The following TSGA10IP variants were observed in gnomAD, a reference collection of about 807,000 sequenced individuals.
The protein encoded by TSGA10IP is testis specific 10 interacting protein.
In TSGA10IP, 64 loss-of-function variants were observed where a neutral mutation model predicts 63.2. The observed-to-expected ratio is 1.01, with a 90% confidence interval of 0.83 to 1.25. TSGA10IP has a LOEUF of 1.25. TSGA10IP is among the 50% of genes most tolerant of loss of function. TSGA10IP has a pLI of 0.00. For synonymous variants in TSGA10IP, 316 were observed against 298.3 expected (o/e 1.06, Z -0.61); for missense variants, 681 against 710.1 (o/e 0.96, Z 0.47).
intron 1 of TSGA10IP, among the ~76,000 whole-genome samples, chr11:65,946,066 G>A (rs1470275609): frequency 6.6e-6 from 1 of 152,138 alleles, no homozygotes; most frequent in African/African-American, 2.4e-5. Context: ...GGAAGGAGCA[G>A]GTTTCAGGAA....
exon 3 of TSGA10IP, chr11:65,947,587 G>A (rs780547144): frequency 1.2e-6 from 2 of 1,613,934 alleles, no homozygotes; most frequent in Non-Finnish European, 1.7e-6. Context: ...AGGCCACAGA[G>A]GAGGCTGAGG....
chr11:65,953,670 C>T (rs1854981111), exon 5 of TSGA10IP: 1 of 1,591,770 alleles, frequency 6.3e-7, no homozygotes, highest in Non-Finnish European at 8.5e-7. Flanking sequence ...GGCCCACTGC[C>T]TGGCAGCCTA....
At position 65,953,745 on chromosome 11, in the gene TSGA10IP, G is replaced by A. The variant is rs762385738; in HGVS notation, c.1322+8G>A. 1 of 1,507,450 alleles carries A rather than the reference G, an allele frequency of 6.6e-7. No homozygotes were observed. Among genetic ancestry groups the A allele is most frequent in the South Asian group, 1.3e-5 (1 of 78,282 alleles). The allele number at this position is 1,507,450 out of a possible 1,614,324, so 93.4% of individuals were successfully genotyped here. A position where few individuals can be genotyped will look rare whatever the true frequency, so the allele number is the denominator to read the frequency against. ...CAAGCTGGAGGAGCTGAGGTAGGGA[G>A]CCTGGGCTTCGGGAGGCCTGGTTGG... On this transcript the variant is annotated splice_region_variant and intron_variant, in intron 5 of 7. Transcript: ENST00000532620.
chr11:65,946,703 G>C (rs559606723), intron 1 of TSGA10IP, among the ~76,000 whole-genome samples, 177 bp from the exon 2 acceptor site: 2 of 152,270 alleles, frequency 1.3e-5, no homozygotes, highest in East Asian at 3.9e-4. Context: ...CCAAAGTGCT[G>C]GGGTTACAGG....
chr11:65,953,669 C>A lies in TSGA10IP; in HGVS notation c.1254C>A (p.Cys418Ter). 6.3e-7 allele frequency: 1 copy of A among 1,591,262 alleles called. No homozygotes were observed. Among genetic ancestry groups the A allele is most frequent in the South Asian group, 1.1e-5 (1 of 89,920 alleles). ...ATGTACAGCGGCAGGTGGCCCACTG[C>A]CTGGCAGCCTACGCACCCAGAGGGA... The change falls in exon 5 of 8, where the codon TGC becomes TGA. Residue 418 changes from cysteine to a stop codon, truncating the protein, a stop_gained. Transcript: ENST00000532620. LOFTEE classifies it high-confidence loss of function.
At chr11:65,948,124 T>G (rs1486999316) in exon 4 of TSGA10IP, 3 of 1,602,970 alleles carry the variant, frequency 1.9e-6, no homozygotes, top group Non-Finnish European at 2.6e-6. Flanking sequence ...AATCGCACCT[T>G]CCACAAACGA....
At chr11:65,947,230 G>A in exon 3 of TSGA10IP, 1 of 1,609,528 alleles carries the variant, frequency 6.2e-7, no homozygotes, top group Non-Finnish European at 8.5e-7. Flanking sequence ...ACCAAGCCCT[G>A]CCCATGCCCT....
chr11:65,946,918 C>A, exon 2 of TSGA10IP: 1 of 1,613,930 alleles, frequency 6.2e-7, no homozygotes, highest in Non-Finnish European at 8.5e-7. Flanking sequence ...CAAATCAAGA[C>A]CTGCAGCAGA....
At position 65,958,800 on chromosome 11, in the gene TSGA10IP, C is replaced by G. The variant is rs978186531; in HGVS notation, c.1323-83C>G. 8.0e-6 allele frequency: 9 copies of G among 1,124,994 alleles called. No individual in the cohort carries two copies. The African/African-American group carries it at 1.4e-4, about 17-fold the overall frequency. The allele number at this position is 1,124,994 out of a possible 1,614,324, so 69.7% of individuals were successfully genotyped here. ...AGGGTGAGGACATGAATATCAAGTC[C>G]TTAGTGAAGATAAGCGGGCTCAGGA... On this transcript the variant is annotated intron_variant, in intron 5 of 7. Coordinates refer to ENST00000532620, the Ensembl canonical transcript of TSGA10IP.
intron 4 of TSGA10IP, among the ~76,000 whole-genome samples, chr11:65,948,824 A>C (rs578098753): frequency 1.6e-4 from 25 of 151,908 alleles, no homozygotes; most frequent in African/African-American, 5.8e-4. Flanking sequence ...AAATATAAAA[A>C]ATTATCCAAG....
chr11:65,952,710 C>T (rs990903502), intron 4 of TSGA10IP, among the ~76,000 whole-genome samples: 4 of 151,316 alleles, frequency 2.6e-5, no homozygotes, highest in African/African-American at 9.7e-5. Flanking sequence ...ACAATATATA[C>T]CATTGTGTAT....
intron 1 of TSGA10IP, among the ~76,000 whole-genome samples, chr11:65,946,356 A>G (rs767562478): frequency 2.0e-5 from 3 of 152,168 alleles, no homozygotes; most frequent in Non-Finnish European, 4.4e-5. Flanking sequence ...TCCTGAGCAC[A>G]CAATAGGTGC....
At chr11:65,956,971 T>C (rs1855035250) in intron 5 of TSGA10IP, among the ~76,000 whole-genome samples, 1 of 152,172 alleles carries the variant, frequency 6.6e-6, no homozygotes, top group South Asian at 2.1e-4. Context: ...TCCCATGCAG[T>C]CTCTCAGCCA....
Position 65,956,433 on chromosome 11 carries a change from G to A in TSGA10IP, c.1323-2450G>A, listed in dbSNP as rs145575631. Among the ~76,000 whole-genome samples, 1,082 of 147,380 alleles carry A rather than the reference G, an allele frequency of 7.3e-3. 9 individuals carry two copies. Among genetic ancestry groups the A allele is most frequent in the Non-Finnish European group, 0.011 (736 of 66,504 alleles). ...ATTACAGGCGTGAGCCACCGCGCCCGGCCGAGGCTCAGTCTTAATCACCCC... is the reference window on the plus strand; with the variant it reads ...ATTACAGGCGTGAGCCACCGCGCCCAGCCGAGGCTCAGTCTTAATCACCCC... On this transcript the variant is annotated intron_variant, in intron 5 of 7. Coordinates refer to ENST00000532620, the Ensembl canonical transcript of TSGA10IP.
At position 65,958,570 on chromosome 11, in the gene TSGA10IP, C is replaced by G. The variant is rs59719626; in HGVS notation, c.1323-313C>G. ...GTGTCTGGAAGCTCAGAAGCCAGCA[C>G]TGGCCCCTTTCCCATGGGGCTGGCA... On this transcript the variant is annotated intron_variant, in intron 5 of 7. Coordinates refer to ENST00000532620, the Ensembl canonical transcript of TSGA10IP. Among the ~76,000 whole-genome samples the G allele has an allele frequency of 3.2e-3, 483 of 152,340 alleles. 3 individuals are homozygous for G. Among genetic ancestry groups the G allele is most frequent in the African/African-American group, 0.011 (441 of 41,576 alleles).
At chr11:65,955,404 G>A (rs1234693121) in intron 5 of TSGA10IP, among the ~76,000 whole-genome samples, 4 of 152,034 alleles carry the variant, frequency 2.6e-5, no homozygotes, top group East Asian at 3.9e-4. Context: ...TCAGGATTTC[G>A]AGACCAGCCT....
exon 3 of TSGA10IP, chr11:65,947,509 T>A: frequency 6.2e-7 from 1 of 1,612,002 alleles, no homozygotes; most frequent in South Asian, 1.1e-5. Flanking sequence ...CCGAGAGGGG[T>A]CTGAGTTCTG....
intron 5 of TSGA10IP, among the ~76,000 whole-genome samples, chr11:65,955,633 G>A (rs1462318231): frequency 1.3e-5 from 2 of 151,568 alleles, no homozygotes; most frequent in East Asian, 1.9e-4. Context: ...AAAAGAGTTA[G>A]GTGCTGATGC....
chr11:65,959,116 C>T, intron 6 of TSGA10IP, 74 bp from the exon 7 acceptor site: 1 of 1,572,362 alleles, frequency 6.4e-7, no homozygotes. Context: ...CCTGGGACCC[C>T]CTCAGTAACC....
Sources: gnomAD v4.1 joint callset for allele counts (sites outside exome capture counted in the v4.1 genomes callset) on GRCh38, gnomAD v4.1.1 for gene constraint, MANE v1.5 for transcripts, NCBI Gene and HGNC (gene_info 2026-07-23, HGNC 2026-07-21) for gene names.